Variants in ROBO2 observed in about 807,000 individuals in gnomAD.
The protein encoded by ROBO2 is roundabout guidance receptor 2, also known as roundabout homolog 2.
A neutral mutation model predicts 160.8 loss-of-function variants in ROBO2; 53 were observed. The ratio of observed to expected loss-of-function variants is 0.33; its 90% CI spans 0.26 to 0.41. The LOEUF (loss-of-function observed/expected upper bound fraction) is 0.41. ROBO2 is among the 10% of genes least tolerant of loss of function. The probability of loss-of-function intolerance (pLI) is 1.00; values close to 1 mark genes in which losing one functional copy is unlikely to be tolerated. For synonymous variants in ROBO2, 664 were observed against 611.7 expected (o/e 1.09, Z -1.26); for missense variants, 1,577 against 1,722.4 (o/e 0.92, Z 1.49).
At chr3:76,867,594 G>C (rs370286713) in intron 2 of ROBO2, among the ~76,000 whole-genome samples, 20 of 152,278 alleles carry the variant, frequency 1.3e-4, no homozygotes, top group African/African-American at 3.4e-4. Flanking sequence ...GACTTGCCCA[G>C]ATTCTTTTAA....
intron 2 of ROBO2, among the ~76,000 whole-genome samples, chr3:76,688,928 A>G (rs968308461): frequency 3.9e-5 from 6 of 152,068 alleles, no homozygotes; most frequent in Admixed American, 3.9e-4. Flanking sequence ...TTACATGAAC[A>G]TATAATCTCA....
chr3:76,881,940 G>A (rs749522916), intron 2 of ROBO2, among the ~76,000 whole-genome samples: 2 of 151,446 alleles, frequency 1.3e-5, no homozygotes, highest in Non-Finnish European at 2.9e-5. Flanking sequence ...TAGGTTGGTT[G>A]TGTGTGTGTA....
At chr3:76,432,923 G>C (rs563815480) in intron 2 of ROBO2, among the ~76,000 whole-genome samples, 87 of 152,062 alleles carry the variant, frequency 5.7e-4, no homozygotes, top group African/African-American at 2.0e-3. Context: ...GATGGGAGGA[G>C]GGAGGGAGGG....
intron 2 of ROBO2, among the ~76,000 whole-genome samples, chr3:76,246,701 T>G (rs1258378796): frequency 6.6e-6 from 1 of 152,148 alleles, no homozygotes; most frequent in Non-Finnish European, 1.5e-5. Flanking sequence ...AGTGAGAATT[T>G]TAGGCATGCT....
chr3:77,289,411 G>A (rs1017612965), intron 2 of ROBO2, among the ~76,000 whole-genome samples: 2 of 151,716 alleles, frequency 1.3e-5, no homozygotes, highest in Non-Finnish European at 2.9e-5. Flanking sequence ...GTTTAAACGG[G>A]GACACTGAGG....
At position 76,838,166 on chromosome 3, in the gene ROBO2, T is replaced by C. The variant is rs571225263; in HGVS notation, c.110-259848T>C. ...CGAATACCATGTTCTCACTTATAAG[T>C]GGAACCTAAATGATGAGAACTTAGG... On this transcript the variant is annotated intron_variant, in intron 2 of 26. Coordinates refer to the ROBO2 transcript ENST00000487694. Among the ~76,000 whole-genome samples, 7 of 152,104 alleles carry C rather than the reference T, an allele frequency of 4.6e-5. No homozygotes were observed. In the South Asian group the frequency reaches 1.4e-3, roughly 32 times the overall value.
chr3:76,716,517 A>C (rs972338741), intron 2 of ROBO2, among the ~76,000 whole-genome samples: 16 of 152,236 alleles, frequency 1.1e-4, no homozygotes, highest in African/African-American at 3.6e-4. Context: ...ATACTGAAGA[A>C]AACTGCAGTG....
intron 2 of ROBO2, among the ~76,000 whole-genome samples, chr3:76,721,506 C>T (rs1304467132): frequency 6.6e-6 from 1 of 152,088 alleles, no homozygotes; most frequent in African/African-American, 2.4e-5. Flanking sequence ...CTCTCTGAAT[C>T]TGATTACTTC....
intron 2 of ROBO2, among the ~76,000 whole-genome samples, chr3:76,963,105 T>A (rs1210737750): frequency 3.3e-5 from 5 of 151,912 alleles, no homozygotes; most frequent in Middle Eastern, 3.2e-3. Context: ...GTTTAAAATA[T>A]TAATCTCTGG....
intron 2 of ROBO2, among the ~76,000 whole-genome samples, chr3:75,989,275 G>T (rs1387733788): frequency 1.3e-5 from 2 of 151,992 alleles, no homozygotes; most frequent in African/African-American, 4.8e-5. Flanking sequence ...GCACTACCAT[G>T]ACTGGCTAAT....
chr3:77,545,466 T>C (rs985711281), intron 6 of ROBO2, among the ~76,000 whole-genome samples: 3 of 152,136 alleles, frequency 2.0e-5, no homozygotes, highest in African/African-American at 7.2e-5. Context: ...CTTATTGTGT[T>C]TCGTATATAT....
intron 2 of ROBO2, among the ~76,000 whole-genome samples, chr3:77,454,759 T>C (rs1475939928): frequency 6.6e-6 from 1 of 152,248 alleles, no homozygotes; most frequent in Non-Finnish European, 1.5e-5. Context: ...TTTTACTTAA[T>C]TGTGTCTTCT....
chr3:77,129,435 G>A (rs556619878), intron 2 of ROBO2, among the ~76,000 whole-genome samples: 11 of 152,290 alleles, frequency 7.2e-5, no homozygotes, highest in African/African-American at 2.6e-4. Context: ...GTTTATTCCT[G>A]TAGCATAAAA....
intron 2 of ROBO2, among the ~76,000 whole-genome samples, chr3:76,224,790 C>T (rs1704183750): frequency 1.3e-5 from 2 of 152,166 alleles, no homozygotes; most frequent in Non-Finnish European, 2.9e-5. Flanking sequence ...AGTCACACTT[C>T]TCAATCATCA....
At chr3:77,182,012 T>G (rs1312132417) in intron 2 of ROBO2, among the ~76,000 whole-genome samples, 1 of 152,130 alleles carries the variant, frequency 6.6e-6, no homozygotes, top group Non-Finnish European at 1.5e-5. Context: ...CCTACTGTTA[T>G]GAAAGTTTTT....
chr3:76,658,802 T>C (rs1385100208), intron 2 of ROBO2, among the ~76,000 whole-genome samples: 1 of 152,208 alleles, frequency 6.6e-6, no homozygotes, highest in Non-Finnish European at 1.5e-5. Context: ...CCTTTTTAAC[T>C]TAATAGTGTT....
chr3:77,016,108 C>CT (rs1263704325), intron 2 of ROBO2, among the ~76,000 whole-genome samples: 1 of 152,074 alleles, frequency 6.6e-6, no homozygotes, highest in Non-Finnish European at 1.5e-5. Flanking sequence ...TCCCGAGTAG[C>CT]TGGGACTACA....
chr3:76,858,166 G>T (rs771095591), intron 2 of ROBO2, among the ~76,000 whole-genome samples: 1 of 152,156 alleles, frequency 6.6e-6, no homozygotes, highest in Non-Finnish European at 1.5e-5. Flanking sequence ...CACTGATGCT[G>T]TTCACCTGCC....
chr3:77,027,535 T>C (rs528196557), intron 2 of ROBO2, among the ~76,000 whole-genome samples: 4 of 152,336 alleles, frequency 2.6e-5, no homozygotes, highest in African/African-American at 9.6e-5. Flanking sequence ...AGTAAATTAC[T>C]ACATGGCAAT....
Sources: gnomAD v4.1 joint callset for allele counts (sites outside exome capture counted in the v4.1 genomes callset) on GRCh38, gnomAD v4.1.1 for gene constraint, MANE v1.5 for transcripts, NCBI Gene and HGNC (gene_info 2026-07-23, HGNC 2026-07-21) for gene names.